Variants in ESRRG observed in about 807,000 individuals in gnomAD.
ESRRG encodes estrogen related receptor gamma.
In ESRRG, 13 loss-of-function variants were observed where a neutral mutation model predicts 44.0. The observed-to-expected ratio is 0.30, with a 90% CI of 0.19 to 0.47. The LOEUF is 0.47. Ranked by LOEUF, ESRRG falls within the 20% of genes least tolerant of loss-of-function variation. ESRRG has a pLI of 1.00. For synonymous variants in ESRRG, 215 were observed against 214.6 expected, an observed-to-expected ratio of 1.00 and a Z score of -0.02; for missense variants, 395 against 580.6, an observed-to-expected ratio of 0.68 and a Z score of 3.29.
chr1:216,964,368 G>C (rs1220993615), intron 1 of ESRRG, among the ~76,000 whole-genome samples: 1 of 152,128 alleles, frequency 6.6e-6, no homozygotes, highest in African/African-American at 2.4e-5. Flanking sequence ...TCACAGGTCT[G>C]CTGACAGCAA....
intron 3 of ESRRG, among the ~76,000 whole-genome samples, chr1:216,635,170 A>G (rs11117638): frequency 0.2 from 30,075 of 152,150 alleles, 3,800 homozygotes; most frequent in Non-Finnish European, 0.29. Context: ...TTTGATGTTC[A>G]GGGGTCAATA....
intron 6 of ESRRG, among the ~76,000 whole-genome samples, chr1:216,513,131 T>C (rs570486211): frequency 9.2e-5 from 14 of 152,350 alleles, no homozygotes; most frequent in Admixed American, 2.0e-4. Flanking sequence ...TTTGTCAATG[T>C]AGCATAAGAA....
intron 2 of ESRRG, among the ~76,000 whole-genome samples, chr1:216,799,032 T>C (rs1331320742): frequency 6.6e-6 from 1 of 152,098 alleles, no homozygotes; most frequent in African/African-American, 2.4e-5. Context: ...TCCAAGACCT[T>C]CTCTAGCCCT....
At chr1:216,830,330 G>A (rs2095468341) in intron 2 of ESRRG, among the ~76,000 whole-genome samples, 1 of 152,172 alleles carries the variant, frequency 6.6e-6, no homozygotes, top group South Asian at 2.1e-4. Context: ...AGTCGAGAAC[G>A]AAGTAATCCA....
chr1:216,788,103 T>C (rs2094193345), intron 2 of ESRRG, among the ~76,000 whole-genome samples: 1 of 152,194 alleles, frequency 6.6e-6, no homozygotes, highest in African/African-American at 2.4e-5. Flanking sequence ...CAAGTGCTGA[T>C]GTAGAAGCTG....
chr1:216,576,899 T>C (rs910922510), intron 3 of ESRRG, among the ~76,000 whole-genome samples: 2 of 151,972 alleles, frequency 1.3e-5, no homozygotes, highest in Non-Finnish European at 2.9e-5. Flanking sequence ...TGGAAATAAA[T>C]GAGTCTGGCA....
chr1:216,914,615 A>G (rs1383947612), intron 2 of ESRRG, among the ~76,000 whole-genome samples: 1 of 152,196 alleles, frequency 6.6e-6, no homozygotes, highest in Non-Finnish European at 1.5e-5. Context: ...TACAATTTTC[A>G]AAAGTGCTCA....
At chr1:216,656,826 TC>T (rs979642102) in intron 2 of ESRRG, among the ~76,000 whole-genome samples, 6 of 152,144 alleles carry the variant, frequency 3.9e-5, no homozygotes, top group African/African-American at 1.4e-4. Context: ...TGTATATTTC[TC>T]CCAATTGTTT....
At chr1:216,785,523 G>T (rs985272486) in intron 2 of ESRRG, among the ~76,000 whole-genome samples, 1 of 151,970 alleles carries the variant, frequency 6.6e-6, no homozygotes, top group African/African-American at 2.4e-5. Context: ...TAGGAATTTT[G>T]CTCAGAGTGG....
intron 2 of ESRRG, among the ~76,000 whole-genome samples, chr1:216,847,677 G>C (rs2095776454): frequency 6.6e-6 from 1 of 152,000 alleles, no homozygotes; most frequent in Non-Finnish European, 1.5e-5. Context: ...GGCATGTCCA[G>C]GTCTGTGATT....
At chr1:216,737,171 A>G (rs2090063502) in intron 2 of ESRRG, among the ~76,000 whole-genome samples, 1 of 152,192 alleles carries the variant, frequency 6.6e-6, no homozygotes, top group African/African-American at 2.4e-5. Flanking sequence ...TCTGGCTAGT[A>G]TATGTCTCAT....
At chr1:216,625,359 A>G (rs529428080) in intron 3 of ESRRG, among the ~76,000 whole-genome samples, 5 of 143,656 alleles carry the variant, frequency 3.5e-5, no homozygotes, top group Non-Finnish European at 6.0e-5. Context: ...ATGTCCCAAT[A>G]GTACCATTTG....
At chr1:216,762,128 C>T (rs2092811983) in intron 2 of ESRRG, among the ~76,000 whole-genome samples, 1 of 151,904 alleles carries the variant, frequency 6.6e-6, no homozygotes, top group Admixed American at 6.6e-5. Context: ...GTAAATTGCC[C>T]AAGGCTCTGG....
intron 1 of ESRRG, among the ~76,000 whole-genome samples, chr1:216,969,217 A>C (rs1421505376): frequency 1.3e-5 from 2 of 152,202 alleles, no homozygotes. Context: ...TTCTACTGTC[A>C]TGAAGCTCAC....
intron 1 of ESRRG, among the ~76,000 whole-genome samples, chr1:217,059,268 T>C (rs1342456274): frequency 2.0e-5 from 3 of 151,298 alleles, no homozygotes; most frequent in Admixed American, 6.6e-5. Context: ...TATTATATAA[T>C]AAAGTAAGCT....
intron 2 of ESRRG, among the ~76,000 whole-genome samples, chr1:216,811,865 T>C (rs1463215294): frequency 6.6e-6 from 1 of 152,190 alleles, no homozygotes; most frequent in African/African-American, 2.4e-5. Flanking sequence ...CATTCAAATA[T>C]GTTCAAAAGC....
chr1:216,624,982 C>T (rs1018453843), intron 3 of ESRRG, among the ~76,000 whole-genome samples: 24 of 152,110 alleles, frequency 1.6e-4, no homozygotes, highest in African/African-American at 4.3e-4. Context: ...AGTTGTCTTA[C>T]GTTGTTCCCC....
chr1:216,705,116 T>G (rs1416611), intron 1 of ESRRG, among the ~76,000 whole-genome samples: 1 of 152,072 alleles, frequency 6.6e-6, no homozygotes, highest in Non-Finnish European at 1.5e-5. Flanking sequence ...AAGTATTTCT[T>G]TTTTGGGCTA....
chr1:216,735,667 G>T (rs1324991184), intron 2 of ESRRG, among the ~76,000 whole-genome samples: 1 of 151,714 alleles, frequency 6.6e-6, no homozygotes, highest in Non-Finnish European at 1.5e-5. Flanking sequence ...ACCCTGACTG[G>T]TCTCAATTAA....
Sources: gnomAD v4.1 joint callset for allele counts (sites outside exome capture counted in the v4.1 genomes callset) on GRCh38, gnomAD v4.1.1 for gene constraint, MANE v1.5 for transcripts, NCBI Gene and HGNC (gene_info 2026-07-23, HGNC 2026-07-21) for gene names.